METTL21A: variants seen among roughly 807,000 people sequenced by gnomAD.
METTL21A encodes methyltransferase 21A, HSPA lysine.
A neutral mutation model predicts 20.9 loss-of-function variants in METTL21A; 22 were observed. The observed-to-expected ratio is 1.05, with a 90% CI of 0.75 to 1.50. The LOEUF is 1.50. Among genes scored for constraint, METTL21A ranks in the 40% most tolerant of loss-of-function variants. METTL21A has a pLI of 0.00. For missense variants in METTL21A, 271 were observed against 266.8 expected, an observed-to-expected ratio of 1.02 and a Z score of -0.11; for synonymous variants, 93 against 102.0, an observed-to-expected ratio of 0.91 and a Z score of 0.53.
chr2:207,594,062 C>CT (rs1419240551), intron 3 of METTL21A, among the ~76,000 whole-genome samples: 2 of 152,198 alleles, frequency 1.3e-5, no homozygotes, highest in South Asian at 2.1e-4. Context: ...TTACCATGTC[C>CT]TTTTTTACAG....
intron 3 of METTL21A, among the ~76,000 whole-genome samples, chr2:207,591,503 G>A (rs1337908137): frequency 6.6e-6 from 1 of 152,106 alleles, no homozygotes; most frequent in Non-Finnish European, 1.5e-5. Flanking sequence ...CACAATCTTG[G>A]CTCACTGCAA....
At chr2:207,583,663 A>G (rs1442290996) in intron 3 of METTL21A, among the ~76,000 whole-genome samples, 1 of 152,172 alleles carries the variant, frequency 6.6e-6, no homozygotes, top group African/African-American at 2.4e-5. Flanking sequence ...TGACATCCCT[A>G]AGTTTTTATC....
intron 3 of METTL21A, among the ~76,000 whole-genome samples, chr2:207,595,223 T>A (rs1224476778): frequency 6.6e-6 from 1 of 151,918 alleles, no homozygotes. Context: ...CTTGAACTCC[T>A]GACCTCATGA....
intron 3 of METTL21A, chr2:207,602,219 A>AT (rs2087182940): frequency 5.4e-6 from 1 of 186,058 alleles, no homozygotes; most frequent in East Asian, 8.6e-5. Context: ...CTTGAAATTT[A>AT]TTTTTTAAAA....
chr2:207,619,480 C>T (rs886926821), intron 3 of METTL21A, among the ~76,000 whole-genome samples: 10 of 152,138 alleles, frequency 6.6e-5, no homozygotes, highest in Non-Finnish European at 1.3e-4. Flanking sequence ...ACTTCTCCAA[C>T]CTAACACTTT....
At chr2:207,624,352 C>G in exon 2 of METTL21A, 2 of 1,613,832 alleles carry the variant, frequency 1.2e-6, no homozygotes, top group East Asian at 2.2e-5. Context: ...ATTCCGTGGT[C>G]TCCTCATAGG....
At chr2:207,621,967 T>G in intron 2 of METTL21A, 50 bp from the exon 3 acceptor site, 1 of 1,532,858 alleles carries the variant, frequency 6.5e-7, no homozygotes, top group South Asian at 1.1e-5. Flanking sequence ...TGTGCTTGAG[T>G]AGCTGCAGGG....
downstream of METTL21A, among the ~76,000 whole-genome samples, chr2:207,607,864 C>T (rs1254212436): frequency 6.6e-6 from 1 of 151,632 alleles, no homozygotes; most frequent in African/African-American, 2.4e-5. Flanking sequence ...AACAAGCACA[C>T]TTAAAATGTA....
rs779462684 is a variant in METTL21A at position 207,584,890 on chromosome 2, TC to T, written c.260-2731del. Among the ~76,000 whole-genome samples the T allele has an allele frequency of 1.5e-3, 230 of 152,346 alleles. 2 individuals are homozygous for T. In the Middle Eastern group the frequency reaches 0.017, roughly 11 times the overall value. On this transcript the variant is annotated intron_variant, in intron 3 of 3. Transcript: ENST00000425132. The stretch of plus-strand genomic sequence containing the variant: ...TCTTTAATTTTCTTAACATTATCTA[TC>T]TTTTGCAGAGCAAAAGGTTGCCATT...
At chr2:207,584,279 T>C (rs1462483028) in intron 3 of METTL21A, among the ~76,000 whole-genome samples, 1 of 152,242 alleles carries the variant, frequency 6.6e-6, no homozygotes, top group South Asian at 2.1e-4. Context: ...CCACCAGGAA[T>C]GTATGAGAGT....
intron 3 of METTL21A, among the ~76,000 whole-genome samples, chr2:207,591,035 G>C (rs1461058810): frequency 6.6e-6 from 1 of 152,058 alleles, no homozygotes; most frequent in African/African-American, 2.4e-5. Flanking sequence ...ATCTTCCCAG[G>C]TGTTTTATGG....
chr2:207,607,213 C>A (rs952490464), downstream of METTL21A, among the ~76,000 whole-genome samples: 3 of 152,008 alleles, frequency 2.0e-5, no homozygotes, highest in Non-Finnish European at 4.4e-5. Flanking sequence ...ATAATTAAAA[C>A]CCCATCTCTA....
exon 4 of METTL21A, chr2:207,613,348 C>A: frequency 6.2e-7 from 1 of 1,613,904 alleles, no homozygotes; most frequent in Non-Finnish European, 8.5e-7. Flanking sequence ...TCCTTAACAA[C>A]AGTTTTAGTT....
intron 3 of METTL21A, among the ~76,000 whole-genome samples, chr2:207,613,840 G>A (rs565278632): frequency 7.2e-5 from 11 of 152,188 alleles, no homozygotes; most frequent in African/African-American, 2.4e-4. Flanking sequence ...GCATGGTGGC[G>A]GGCACCTGTA....
intron 3 of METTL21A, among the ~76,000 whole-genome samples, chr2:207,588,229 G>A (rs893134372): frequency 3.3e-5 from 5 of 152,260 alleles, no homozygotes; most frequent in Admixed American, 6.5e-5. Flanking sequence ...TAAGGTGTGA[G>A]GATGTGTCGA....
chr2:207,618,631 G>A lies in METTL21A; in HGVS notation c.259+3175C>T, dbSNP rs535944431. 5.9e-5 allele frequency among the ~76,000 whole-genome samples: 9 copies of A among 152,172 alleles called. No individual in the cohort carries two copies. In the East Asian group the frequency reaches 1.5e-3, roughly 26 times the overall value. ...GGCAGGAGAATCGCTAGAACCCGGA[G>A]GCGGGGGCAGAGATTGAAGTGAGCC... On this transcript the variant is annotated intron_variant, in intron 3 of 3. Coordinates refer to ENST00000406927, the Ensembl canonical transcript of METTL21A.
intron 3 of METTL21A, among the ~76,000 whole-genome samples, chr2:207,621,561 T>C (rs538260199): frequency 4.6e-5 from 7 of 152,252 alleles, no homozygotes; most frequent in South Asian, 4.1e-4. Flanking sequence ...CAATCTCCCA[T>C]GGGAAGTATA....
At chr2:207,606,165 A>G (rs80034014), downstream of METTL21A, among the ~76,000 whole-genome samples, 190 of 152,320 alleles carry the variant, frequency 1.2e-3, 1 homozygote, top group African/African-American at 4.5e-3. Context: ...TTAGAGCAGA[A>G]AGCTAACAAT....
intron 3 of METTL21A, chr2:207,598,946 G>A (rs560730454): frequency 5.4e-6 from 1 of 183,650 alleles, no homozygotes; most frequent in East Asian, 9.1e-5. Flanking sequence ...AGTTATTTAA[G>A]AAAGTCAAGC....
Sources: gnomAD v4.1 joint callset for allele counts (sites outside exome capture counted in the v4.1 genomes callset) on GRCh38, gnomAD v4.1.1 for gene constraint, MANE v1.5 for transcripts, NCBI Gene and HGNC (gene_info 2026-07-23, HGNC 2026-07-21) for gene names.